CLYBL: variants seen among roughly 807,000 people sequenced by gnomAD.
CLYBL encodes the protein citramalyl-CoA lyase, also known as citramalyl-CoA lyase, mitochondrial.
In CLYBL, 31 loss-of-function variants were observed where a neutral mutation model predicts 38.9. That is an observed-to-expected ratio of 0.80 (90% CI 0.60 to 1.08). The LOEUF is 1.08. CLYBL is among the 50% of genes least tolerant of loss of function. The probability of loss-of-function intolerance (pLI) is 0.00; values close to 1 mark genes in which losing one functional copy is unlikely to be tolerated. For missense variants in CLYBL, 434 were observed against 411.6 expected (o/e 1.05, Z -0.47); for synonymous variants, 171 against 158.6 (o/e 1.08, Z -0.59).
downstream of CLYBL, among the ~76,000 whole-genome samples, chr13:99,899,776 T>C (rs1402499178): frequency 6.6e-6 from 1 of 152,198 alleles, no homozygotes; most frequent in Non-Finnish European, 1.5e-5. Flanking sequence ...GCATCATGCT[T>C]GGCACGTAGT....
downstream of CLYBL, among the ~76,000 whole-genome samples, chr13:99,897,579 A>G (rs1352353911): frequency 4.6e-5 from 7 of 152,192 alleles, no homozygotes; most frequent in Non-Finnish European, 8.8e-5. Context: ...CTGAGGAGGA[A>G]TCCCAAAACT....
chr13:99,833,016 ATATATATATATATATTT>A (rs2050844259), intron 2 of CLYBL, among the ~76,000 whole-genome samples: 1 of 32,782 alleles, frequency 3.1e-5, no homozygotes, highest in African/African-American at 1.2e-4. Context: ...ACATATATAT[ATATATATATATATATTT>A]TTTTTTTTTT....
intron 1 of CLYBL, among the ~76,000 whole-genome samples, chr13:99,615,824 G>A (rs2046699769): frequency 6.6e-6 from 1 of 151,778 alleles, no homozygotes; most frequent in Admixed American, 6.6e-5. Flanking sequence ...TAATTTAGCT[G>A]CTTTGATTTT....
At chr13:99,728,479 T>C (rs2048523015) in intron 1 of CLYBL, among the ~76,000 whole-genome samples, 1 of 151,958 alleles carries the variant, frequency 6.6e-6, no homozygotes, top group Non-Finnish European at 1.5e-5. Context: ...GGGGTTTCAC[T>C]GTGTTAGCCA....
At chr13:99,773,067 CG>C (rs1430477335) in intron 2 of CLYBL, 57 bp downstream of exon 2, 26 of 1,436,880 alleles carry the variant, frequency 1.8e-5, no homozygotes, top group Non-Finnish European at 2.4e-5. Context: ...GCTTCTCTTC[CG>C]AATAGTGACA....
intron 1 of CLYBL, among the ~76,000 whole-genome samples, chr13:99,608,091 G>C (rs1355494049): frequency 9.3e-6 from 1 of 107,716 alleles, no homozygotes; most frequent in African/African-American, 3.9e-5. Context: ...TTTTTTCCGA[G>C]ATGGAGTTTC....
intron 1 of CLYBL, among the ~76,000 whole-genome samples, chr13:99,658,159 A>C (rs541515102): frequency 6.6e-6 from 1 of 152,374 alleles, no homozygotes; most frequent in Non-Finnish European, 1.5e-5. Context: ...TGCGCTCTGC[A>C]GAGCAACCGG....
intron 1 of CLYBL, among the ~76,000 whole-genome samples, chr13:99,621,428 C>G (rs1566590803): frequency 1.3e-5 from 2 of 152,292 alleles, no homozygotes; most frequent in Non-Finnish European, 2.9e-5. Flanking sequence ...TGTCTCGTCC[C>G]TGAGAGCCCT....
intron 1 of CLYBL, among the ~76,000 whole-genome samples, chr13:99,733,014 G>A (rs1172992690): frequency 6.6e-6 from 1 of 152,146 alleles, no homozygotes; most frequent in East Asian, 1.9e-4. Flanking sequence ...CTAATTTGAA[G>A]GTAATTGGCT....
At chr13:99,652,846 A>C (rs949432980) in intron 1 of CLYBL, among the ~76,000 whole-genome samples, 2 of 152,208 alleles carry the variant, frequency 1.3e-5, no homozygotes, top group African/African-American at 2.4e-5. Context: ...GAATCAATCA[A>C]ATCAAAACAA....
chr13:99,708,696 A>G (rs575280716), intron 1 of CLYBL, among the ~76,000 whole-genome samples: 2 of 152,294 alleles, frequency 1.3e-5, no homozygotes, highest in East Asian at 3.9e-4. Flanking sequence ...TTATGGATTG[A>G]ATTGTGTTGC....
At chr13:99,856,882 A>AC (rs1442459526) in intron 2 of CLYBL, among the ~76,000 whole-genome samples, 2 of 149,898 alleles carry the variant, frequency 1.3e-5, no homozygotes, top group African/African-American at 2.5e-5. Flanking sequence ...CAGGTGATCC[A>AC]CCCCCTCAGC....
chr13:99,838,101 T>C lies in CLYBL; in HGVS notation c.250-20760T>C, dbSNP rs114355119. Among the ~76,000 whole-genome samples the C allele has an allele frequency of 7.2e-3, 1,094 of 152,302 alleles. 14 individuals are homozygous for C. Among genetic ancestry groups the C allele is most frequent in the African/African-American group, 0.025 (1,049 of 41,544 alleles). On this transcript the variant is annotated intron_variant, in intron 2 of 8. Coordinates refer to ENST00000339105, the MANE Select transcript of CLYBL (RefSeq NM_206808.5). ...TTCTTCAAATATGCATAAGTAATTA[T>C]ATATTAGATGTATTTATAAAGGTAA...
intron 1 of CLYBL, among the ~76,000 whole-genome samples, chr13:99,668,324 C>T (rs975495419): frequency 7.9e-5 from 12 of 151,216 alleles, no homozygotes; most frequent in African/African-American, 2.7e-4. Context: ...TGGTAGCTCA[C>T]GCCTGTAATC....
rs185076154 is a variant in CLYBL, at chr13:99,717,090, C to T, written c.63-55734C>T. Among the ~76,000 whole-genome samples, 55 of 152,066 alleles carry T rather than the reference C, an allele frequency of 3.6e-4. No individual in the cohort carries two copies. In the East Asian group the frequency reaches 8.2e-3, roughly 23 times the overall value. ...ACAGGCGTGAGCCACCACGCCCAGC[C>T]CCCCTCTTTAATTTCTTGAACCGCT... On this transcript the variant is annotated intron_variant, in intron 1 of 8. Coordinates refer to ENST00000339105, the MANE Select transcript of CLYBL (RefSeq NM_206808.5).
At chr13:99,619,198 G>A (rs939474961) in intron 1 of CLYBL, among the ~76,000 whole-genome samples, 2 of 152,204 alleles carry the variant, frequency 1.3e-5, no homozygotes, top group African/African-American at 2.4e-5. Context: ...AAGTGGTTAA[G>A]TCATGAGGGC....
chr13:99,829,852 C>T (rs1250608986), intron 2 of CLYBL, among the ~76,000 whole-genome samples: 1 of 152,120 alleles, frequency 6.6e-6, no homozygotes, highest in Non-Finnish European at 1.5e-5. Context: ...GTATAAGCTC[C>T]GTGAGAGCGG....
At chr13:99,682,638 C>T (rs1160774784) in intron 1 of CLYBL, among the ~76,000 whole-genome samples, 2 of 152,062 alleles carry the variant, frequency 1.3e-5, no homozygotes, top group African/African-American at 4.8e-5. Context: ...ACTGTCACTA[C>T]TGTAGACTTT....
At chr13:99,654,132 C>T (rs1027291829) in intron 1 of CLYBL, among the ~76,000 whole-genome samples, 3 of 152,132 alleles carry the variant, frequency 2.0e-5, no homozygotes, top group Admixed American at 2.0e-4. Flanking sequence ...TTTATGGGGA[C>T]ACTATATTTC....
Sources: allele counts gnomAD v4.1 joint callset (sites outside exome capture counted in the v4.1 genomes callset), GRCh38; gene constraint gnomAD v4.1.1; transcripts MANE v1.5; gene names NCBI Gene and HGNC (gene_info 2026-07-23, HGNC 2026-07-21).